The following HMGCLL1 variants were observed in gnomAD, a reference collection of about 807,000 sequenced individuals.
The protein encoded by HMGCLL1 is 3-hydroxymethyl-3-methylglutaryl-CoA lyase, cytoplasmic.
HMGCLL1 carries 36 observed loss-of-function variants against 39.1 expected under a neutral mutation model. That is an observed-to-expected ratio of 0.92 (90% CI 0.71 to 1.22). The LOEUF (loss-of-function observed/expected upper bound fraction) is 1.22. Ranked by LOEUF, HMGCLL1 falls within the 50% of genes most tolerant of loss-of-function variation. The pLI, the probability that HMGCLL1 is intolerant of heterozygous loss-of-function variation, is 0.00. For missense variants in HMGCLL1, 451 were observed against 416.5 expected (o/e 1.08, Z -0.72); for synonymous variants, 149 against 144.0 (o/e 1.03, Z -0.25).
the HMGCLL1 span, among the ~76,000 whole-genome samples, chr6:55,661,856 T>C: frequency 6.6e-6 from 1 of 152,004 alleles, no homozygotes; most frequent in Non-Finnish European, 1.5e-5. Context: ...GCATGAATTG[T>C]TTTTTCATTT....
intron 3 of HMGCLL1, among the ~76,000 whole-genome samples, chr6:55,534,368 T>G (rs1768883812): frequency 6.6e-6 from 1 of 152,112 alleles, no homozygotes; most frequent in Admixed American, 6.5e-5. Flanking sequence ...CCCCTCCTTT[T>G]GAAACTCGGT....
intron 5 of HMGCLL1, among the ~76,000 whole-genome samples, chr6:55,511,771 T>G (rs1767475467): frequency 6.6e-6 from 1 of 152,056 alleles, no homozygotes; most frequent in South Asian, 2.1e-4. Flanking sequence ...TTTATATAAA[T>G]TGTTGGGAGG....
chr6:55,572,652 A>G (rs1326541659), intron 1 of HMGCLL1, among the ~76,000 whole-genome samples: 2 of 152,156 alleles, frequency 1.3e-5, no homozygotes, highest in Non-Finnish European at 2.9e-5. Context: ...GCTACTATAC[A>G]TATATAATGG....
chr6:55,638,590 G>C, the HMGCLL1 span, among the ~76,000 whole-genome samples: 11 of 152,062 alleles, frequency 7.2e-5, no homozygotes, highest in African/African-American at 2.7e-4. Context: ...TCTGAAATGA[G>C]TCCTGGATTC....
the HMGCLL1 span, among the ~76,000 whole-genome samples, chr6:55,606,225 G>T: frequency 6.6e-6 from 1 of 152,064 alleles, no homozygotes; most frequent in East Asian, 1.9e-4. Flanking sequence ...TTGGTGAAAG[G>T]ACACAACAAA....
At chr6:55,480,354 A>G (rs777232003) in intron 7 of HMGCLL1, among the ~76,000 whole-genome samples, 2 of 151,712 alleles carry the variant, frequency 1.3e-5, no homozygotes, top group Non-Finnish European at 2.9e-5. Flanking sequence ...ATAAATGTCA[A>G]ACAAGCATAT....
the HMGCLL1 span, among the ~76,000 whole-genome samples, chr6:55,610,164 G>T: frequency 3.9e-5 from 6 of 152,110 alleles, no homozygotes; most frequent in Non-Finnish European, 8.8e-5. Flanking sequence ...CTAGGGTACA[G>T]AACTGGATGG....
the HMGCLL1 span, among the ~76,000 whole-genome samples, chr6:55,593,546 T>C: frequency 6.6e-6 from 1 of 152,180 alleles, no homozygotes; most frequent in African/African-American, 2.4e-5. Context: ...AAGGCTTTCA[T>C]CTTTGTAAGT....
intron 7 of HMGCLL1, among the ~76,000 whole-genome samples, chr6:55,460,967 A>C (rs943193982): frequency 2.0e-5 from 3 of 152,024 alleles, no homozygotes; most frequent in Non-Finnish European, 2.9e-5. Context: ...ATAAAATATA[A>C]GACACAATAT....
chr6:55,552,787 G>C (rs1473228965), intron 1 of HMGCLL1, among the ~76,000 whole-genome samples: 2 of 151,912 alleles, frequency 1.3e-5, no homozygotes, highest in African/African-American at 4.8e-5. Flanking sequence ...TAAAGCATTA[G>C]TTTATTTAGC....
the HMGCLL1 span, among the ~76,000 whole-genome samples, chr6:55,629,464 C>G: frequency 6.6e-6 from 1 of 152,120 alleles, no homozygotes; most frequent in Non-Finnish European, 1.5e-5. Flanking sequence ...ACATTTGCAG[C>G]CTGACAATGC....
At chr6:55,505,719 G>C (rs1336519647) in intron 5 of HMGCLL1, among the ~76,000 whole-genome samples, 1 of 151,632 alleles carries the variant, frequency 6.6e-6, no homozygotes, top group Admixed American at 6.6e-5. Flanking sequence ...AAAATTTCAT[G>C]TAATATCTTA....
the HMGCLL1 span, among the ~76,000 whole-genome samples, chr6:55,626,715 A>G: frequency 6.6e-6 from 1 of 152,164 alleles, no homozygotes; most frequent in East Asian, 1.9e-4. Flanking sequence ...AGACAGGAAC[A>G]TTGCCATGAG....
At chr6:55,447,191 C>G (rs778861732) in intron 7 of HMGCLL1, among the ~76,000 whole-genome samples, 1 of 151,934 alleles carries the variant, frequency 6.6e-6, no homozygotes, top group Non-Finnish European at 1.5e-5. Context: ...AACCAAGACT[C>G]TAAATAGATA....
chr6:55,610,938 G>A, the HMGCLL1 span, among the ~76,000 whole-genome samples: 1 of 152,028 alleles, frequency 6.6e-6, no homozygotes, highest in Non-Finnish European at 1.5e-5. Context: ...ACCAAACTAA[G>A]CTTCATAAGT....
intron 7 of HMGCLL1, among the ~76,000 whole-genome samples, chr6:55,467,645 G>A (rs537103166): frequency 1.3e-5 from 2 of 152,034 alleles, no homozygotes; most frequent in South Asian, 2.1e-4. Flanking sequence ...AATTCCAAAA[G>A]GAAATTAAGT....
chr6:55,638,836 G>C, the HMGCLL1 span, among the ~76,000 whole-genome samples: 1 of 152,010 alleles, frequency 6.6e-6, no homozygotes, highest in Non-Finnish European at 1.5e-5. Flanking sequence ...AGGGAATTAA[G>C]ATAAATAAAA....
chr6:55,609,349 C>T, the HMGCLL1 span, among the ~76,000 whole-genome samples: 11 of 152,186 alleles, frequency 7.2e-5, no homozygotes, highest in Non-Finnish European at 1.0e-4. Context: ...CTGCTGGAGC[C>T]GGGGAAACTG....
the HMGCLL1 span, among the ~76,000 whole-genome samples, chr6:55,615,197 A>C: frequency 3.3e-3 from 505 of 152,246 alleles, 5 homozygotes; most frequent in Middle Eastern, 0.01. Context: ...AAAAAGAAAA[A>C]AGAGGGAAGC....
Sources: gnomAD v4.1 joint callset for allele counts (sites outside exome capture counted in the v4.1 genomes callset) on GRCh38, gnomAD v4.1.1 for gene constraint, MANE v1.5 for transcripts, NCBI Gene and HGNC (gene_info 2026-07-23, HGNC 2026-07-21) for gene names.